Variants in WBP4 observed in about 807,000 individuals in gnomAD.
WBP4 encodes the protein WW domain binding protein 4.
A neutral mutation model predicts 55.4 loss-of-function variants in WBP4; 37 were observed. That is an observed-to-expected ratio of 0.67 (90% CI 0.51 to 0.88). The LOEUF is 0.88. WBP4 is among the 40% of genes least tolerant of loss of function. The pLI is 0.00. For missense variants in WBP4, 398 were observed against 420.8 expected (o/e 0.95, Z 0.47); for synonymous variants, 142 against 140.2 (o/e 1.01, Z -0.09).
chr13:41,062,094 T>C (rs9525444), intron 1 of WBP4: 2 of 937,826 alleles, frequency 2.1e-6, no homozygotes, highest in Non-Finnish European at 2.5e-6. Context: ...GATAGCGTAA[T>C]GGTTTTTTTT....
At chr13:41,075,578 G>A (rs980152919) in intron 7 of WBP4, among the ~76,000 whole-genome samples, 1 of 152,000 alleles carries the variant, frequency 6.6e-6, no homozygotes, top group Non-Finnish European at 1.5e-5. Context: ...ACAGGTTCTC[G>A]CTATGTTGCC....
At chr13:41,075,291 C>T (rs1437629353) in intron 7 of WBP4, among the ~76,000 whole-genome samples, 2 of 152,152 alleles carry the variant, frequency 1.3e-5, no homozygotes, top group East Asian at 1.9e-4. Context: ...TTGCTGCCCC[C>T]CCACCCACCA....
chr13:41,062,118 T>G lies in WBP4; in HGVS notation c.2+443T>G, dbSNP rs535548708. On this transcript the variant is annotated intron_variant, in intron 1 of 9. Coordinates refer to ENST00000379487, the MANE Select transcript of WBP4 (RefSeq NM_007187.5). ...ATGGTTTTTTTTTTTTTTTTTTTTT[T>G]TTTTTTGTCGGCCGTCTACGAAGTC... 26 of 976,270 alleles carry G rather than the reference T, an allele frequency of 2.7e-5. No homozygotes were observed. In the East Asian group the frequency reaches 1.7e-3, roughly 65 times the overall value. 60.5% of individuals were successfully genotyped at this position (976,270 alleles called of 1,614,324 possible).
intron 2 of WBP4, 128 bp downstream of exon 2, chr13:41,062,844 A>ACAGAAATCTTCTGATG: frequency 1.4e-6 from 1 of 692,842 alleles, no homozygotes; most frequent in Non-Finnish European, 2.2e-6. Context: ...ACATCAGAAG[A>ACAGAAATCTTCTGATG]TTTCTGTCTT....
rs184173824 is a variant in WBP4, at chr13:41,075,780, G to A, written c.563-264G>A. On this transcript the variant is annotated intron_variant, in intron 7 of 9. Coordinates refer to ENST00000379487, the MANE Select transcript of WBP4 (RefSeq NM_007187.5). ...ATTGGTGTCAGATAAATTGTGAACC[G>A]TTAGAAATATCACCCAGTTCTTAGG... Among the ~76,000 whole-genome samples, 142 of 152,218 alleles carry A rather than the reference G, an allele frequency of 9.3e-4. 2 individuals are homozygous for A. The highest frequency in any genetic ancestry group is 3.3e-3 in the African/African-American group (137 of 41,524).
chr13:41,066,830 G>A (rs1385141666), intron 4 of WBP4, among the ~76,000 whole-genome samples: 1 of 152,024 alleles, frequency 6.6e-6, no homozygotes, highest in Non-Finnish European at 1.5e-5. Flanking sequence ...TCAGTTTCTG[G>A]AAGTTACAGT....
chr13:41,078,781 C>T (rs1454294299), intron 8 of WBP4, among the ~76,000 whole-genome samples: 5 of 151,670 alleles, frequency 3.3e-5, no homozygotes, highest in African/African-American at 9.7e-5. Context: ...GAGCTAAGAT[C>T]GTGCCGTTGC....
intron 8 of WBP4, among the ~76,000 whole-genome samples, chr13:41,076,494 G>T (rs563814736): frequency 2.0e-5 from 3 of 152,064 alleles, no homozygotes; most frequent in African/African-American, 7.2e-5. Context: ...TAATAACCAG[G>T]ATGGTCTTGA....
chr13:41,065,775 A>G (rs902530110), intron 4 of WBP4, among the ~76,000 whole-genome samples: 1 of 152,232 alleles, frequency 6.6e-6, no homozygotes, highest in Non-Finnish European at 1.5e-5. Context: ...ATTTACTACT[A>G]GAAGGAAGTT....
intron 9 of WBP4, among the ~76,000 whole-genome samples, chr13:41,081,064 G>T (rs980865894): frequency 6.6e-6 from 1 of 152,194 alleles, no homozygotes; most frequent in South Asian, 2.1e-4. Context: ...GGGTGTGGTG[G>T]CATGTAGCTG....
chr13:41,083,032 T>C lies in WBP4; in HGVS notation c.*118T>C. 1.0e-6 allele frequency: 1 copy of C among 962,324 alleles called. No individual in the cohort carries two copies. 59.6% of individuals were successfully genotyped at this position (962,324 alleles called of 1,614,324 possible). On this transcript the variant is annotated 3_prime_UTR_variant, in exon 10 of 10. Coordinates refer to ENST00000379487, the MANE Select transcript of WBP4 (RefSeq NM_007187.5). ...TAAAAATTTAGATTTATTCTAAATG[T>C]ATTTGATGTGAATTAAAATAAATAT...
intron 7 of WBP4, among the ~76,000 whole-genome samples, chr13:41,073,537 AGGCGCGGTGGCTCACGCCT>A (rs1878344132): frequency 6.7e-6 from 1 of 150,264 alleles, no homozygotes; most frequent in Admixed American, 6.6e-5. Context: ...AAAGTAGGCT[AGGCGCGGTGGCTCACGCCT>A]GTAATCTCAG....
At chr13:41,063,276 T>C (rs1484835363) in intron 2 of WBP4, among the ~76,000 whole-genome samples, 1 of 152,170 alleles carries the variant, frequency 6.6e-6, no homozygotes. Context: ...CGCTGATTTT[T>C]CTCCCCTCTT....
In WBP4 at chr13:41,083,533, T is replaced by C. The variant is rs894415116; in HGVS notation, c.*619T>C. 1.3e-5 allele frequency: 2 copies of C among 152,350 alleles called. No homozygotes were observed. Among genetic ancestry groups the C allele is most frequent in the African/African-American group, 4.8e-5 (2 of 41,442 alleles). 9.4% of individuals were successfully genotyped at this position (152,350 alleles called of 1,614,324 possible). A position where few individuals can be genotyped will look rare whatever the true frequency, so the allele number is the denominator to read the frequency against. ...CCAGTTCACTTCAAAGCAGCAAACG[T>C]TGTTTAAGCATTTTAGTTTGAACCA... On this transcript the variant is annotated 3_prime_UTR_variant, in exon 10 of 10. Transcript: ENST00000379487.
intron 4 of WBP4, among the ~76,000 whole-genome samples, chr13:41,066,201 T>A (rs1403008852): frequency 4.6e-5 from 7 of 152,228 alleles, no homozygotes; most frequent in African/African-American, 1.7e-4. Context: ...AGTCCAACTA[T>A]TATCAATTAT....
chr13:41,080,294 A>G (rs1878712151), intron 8 of WBP4, among the ~76,000 whole-genome samples: 1 of 152,232 alleles, frequency 6.6e-6, no homozygotes, highest in African/African-American at 2.4e-5. Context: ...GCCGCCTCCC[A>G]GAAGAATTCA....
At position 41,065,139 on chromosome 13, in the gene WBP4, T is replaced by C. The variant is rs1262561442; in HGVS notation, c.139-25T>C. 3 of 1,603,576 alleles carry C rather than the reference T, an allele frequency of 1.9e-6. No homozygotes were observed. In the African/African-American group the frequency reaches 4.0e-5, roughly 22 times the overall value. ...CAAATGTCAGTCCTTTATCTCACTT[T>C]CACTGTTATGTATGTCTTACATAGA... On this transcript the variant is annotated intron_variant, in intron 3 of 9. Coordinates refer to ENST00000379487, the MANE Select transcript of WBP4 (RefSeq NM_007187.5).
intron 8 of WBP4, among the ~76,000 whole-genome samples, chr13:41,079,014 A>G (rs994436261): frequency 3.9e-5 from 6 of 152,212 alleles, no homozygotes; most frequent in African/African-American, 9.6e-5. Context: ...TTAACAGGGT[A>G]AATAAACAGC....
chr13:41,079,705 C>T (rs1376394262), intron 8 of WBP4, among the ~76,000 whole-genome samples: 1 of 152,170 alleles, frequency 6.6e-6, no homozygotes, highest in Admixed American at 6.6e-5. Context: ...AGCAGTCCCA[C>T]TTCTGAGTAT....
Sources: gnomAD v4.1 joint callset for allele counts (sites outside exome capture counted in the v4.1 genomes callset) on GRCh38, gnomAD v4.1.1 for gene constraint, MANE v1.5 for transcripts, NCBI Gene and HGNC (gene_info 2026-07-23, HGNC 2026-07-21) for gene names.